Variants in SUSD5 observed in about 807,000 individuals in gnomAD.
SUSD5 encodes the protein sushi domain containing 5.
SUSD5 carries 33 observed loss-of-function variants against 29.5 expected under a neutral mutation model. That is an observed-to-expected ratio of 1.12 (90% CI 0.85 to 1.49). The LOEUF is 1.49. Ranked by LOEUF, SUSD5 falls within the 40% of genes most tolerant of loss-of-function variation. The probability of loss-of-function intolerance (pLI) is 0.00; values close to 1 mark genes in which losing one functional copy is unlikely to be tolerated. For missense variants in SUSD5, 776 were observed against 800.6 expected (o/e 0.97, Z 0.37); for synonymous variants, 308 against 325.3 (o/e 0.95, Z 0.57).
chr3:33,212,800 T>C (rs770359405), intron 2 of SUSD5, among the ~76,000 whole-genome samples: 1 of 152,228 alleles, frequency 6.6e-6, no homozygotes, highest in Non-Finnish European at 1.5e-5. Context: ...AGATGCGGCA[T>C]GGATTTTTCC....
chr3:33,199,233 C>CAT (rs1323941577), intron 3 of SUSD5, among the ~76,000 whole-genome samples: 1 of 151,824 alleles, frequency 6.6e-6, no homozygotes, highest in East Asian at 1.9e-4. Context: ...CACACACACA[C>CAT]ACACACACAC....
At chr3:33,200,557 T>C (rs2125629818) in intron 3 of SUSD5, among the ~76,000 whole-genome samples, 1 of 152,288 alleles carries the variant, frequency 6.6e-6, no homozygotes, top group African/African-American at 2.4e-5. Context: ...TGGGTAGCCA[T>C]GTCAAGCATG....
In SUSD5 at chr3:33,153,729, G is replaced by A; in HGVS notation, c.903C>T (p.Phe301=). The A allele has an allele frequency of 6.2e-7, 1 of 1,614,018 alleles. No individual in the cohort carries two copies. The highest frequency in any genetic ancestry group is 1.1e-5 in the South Asian group (1 of 91,086). Residue 301 remains phenylalanine, a synonymous_variant, in exon 5 of 5, where the codon TTC becomes TTT. Transcript: ENST00000309558. ...CCTCCTTTTCCAACCCAGGCTTGTGGAAAGCCTCAGCAGGAAACCAGAACA... is the reference window on the plus strand; with the variant it reads ...CCTCCTTTTCCAACCCAGGCTTGTGAAAAGCCTCAGCAGGAAACCAGAACA... ...KHLFWFPAEA[F]HKPGLEKEVD... is the part of the protein sequence containing the mutation.
intron 4 of SUSD5, among the ~76,000 whole-genome samples, chr3:33,162,770 C>G (rs1250532029): frequency 2.0e-5 from 3 of 151,932 alleles, no homozygotes; most frequent in Admixed American, 6.6e-5. Flanking sequence ...CTGGCCAACA[C>G]GGTGAAACCC....
chr3:33,165,567 A>C (rs2031285946), intron 4 of SUSD5, among the ~76,000 whole-genome samples: 1 of 152,228 alleles, frequency 6.6e-6, no homozygotes, highest in Non-Finnish European at 1.5e-5. Flanking sequence ...GTACCAGGAA[A>C]AACTGGCACA....
intron 3 of SUSD5, among the ~76,000 whole-genome samples, chr3:33,175,941 T>C (rs56380227): frequency 0.15 from 23,280 of 152,214 alleles, 2,037 homozygotes; most frequent in South Asian, 0.28. Context: ...GACACATATC[T>C]ACCATTATTG....
intron 4 of SUSD5, among the ~76,000 whole-genome samples, chr3:33,164,755 C>T (rs1242055279): frequency 6.6e-6 from 1 of 152,116 alleles, no homozygotes; most frequent in African/African-American, 2.4e-5. Context: ...AGCCAGAAAA[C>T]ATATGAAAAG....
chr3:33,163,756 G>T (rs1334271753), intron 4 of SUSD5, among the ~76,000 whole-genome samples: 1 of 152,104 alleles, frequency 6.6e-6, no homozygotes, highest in African/African-American at 2.4e-5. Flanking sequence ...CCAGCACTTT[G>T]GGAGGCTGAG....
At chr3:33,165,650 G>C (rs2031287340) in intron 4 of SUSD5, among the ~76,000 whole-genome samples, 1 of 152,156 alleles carries the variant, frequency 6.6e-6, no homozygotes, top group Non-Finnish European at 1.5e-5. Flanking sequence ...CAAATCCCAT[G>C]CAAGAACAAA....
chr3:33,200,050 C>A (rs2032086231), intron 3 of SUSD5, among the ~76,000 whole-genome samples: 1 of 152,174 alleles, frequency 6.6e-6, no homozygotes, highest in Non-Finnish European at 1.5e-5. Flanking sequence ...ATCACCTAGT[C>A]TCAGGCATTC....
At chr3:33,166,281 A>C (rs1371044002) in intron 4 of SUSD5, among the ~76,000 whole-genome samples, 1 of 152,248 alleles carries the variant, frequency 6.6e-6, no homozygotes, top group Non-Finnish European at 1.5e-5. Context: ...TTAGTGACCT[A>C]TTAACTACCA....
chr3:33,186,845 C>G (rs2031789017), intron 3 of SUSD5, among the ~76,000 whole-genome samples: 1 of 152,182 alleles, frequency 6.6e-6, no homozygotes, highest in Non-Finnish European at 1.5e-5. Flanking sequence ...TTGACCAAAA[C>G]TACCTTGACT....
At chr3:33,186,731 T>C (rs1182288434) in intron 3 of SUSD5, among the ~76,000 whole-genome samples, 1 of 152,112 alleles carries the variant, frequency 6.6e-6, no homozygotes, top group African/African-American at 2.4e-5. Flanking sequence ...GGTCAGCACT[T>C]TCTTAAAGAC....
chr3:33,176,752 A>C (rs1161267573), intron 3 of SUSD5, among the ~76,000 whole-genome samples: 3 of 152,180 alleles, frequency 2.0e-5, no homozygotes, highest in Non-Finnish European at 4.4e-5. Context: ...TCTATGGTCC[A>C]TCTCGAGTTA....
intron 3 of SUSD5, among the ~76,000 whole-genome samples, chr3:33,176,971 A>G (rs983562961): frequency 6.6e-6 from 1 of 152,194 alleles, no homozygotes; most frequent in Non-Finnish European, 1.5e-5. Context: ...TTTCACCAAT[A>G]TCACACTATC....
chr3:33,169,929 T>C (rs1428128121), intron 4 of SUSD5, among the ~76,000 whole-genome samples: 1 of 151,796 alleles, frequency 6.6e-6, no homozygotes, highest in Non-Finnish European at 1.5e-5. Flanking sequence ...TTCTTTCTTT[T>C]TTTTTTGAGA....
intron 1 of SUSD5, among the ~76,000 whole-genome samples, chr3:33,218,019 A>C (rs183561774): frequency 6.6e-6 from 1 of 152,348 alleles, no homozygotes; most frequent in Non-Finnish European, 1.5e-5. Flanking sequence ...CTGAAAAACC[A>C]AGCAAACGAA....
chr3:33,218,320 CG>C (rs2032461071), intron 1 of SUSD5, among the ~76,000 whole-genome samples: 2 of 152,190 alleles, frequency 1.3e-5, no homozygotes, highest in African/African-American at 4.8e-5. Flanking sequence ...CATTAATAGA[CG>C]TTGAGAAACT....
chr3:33,169,513 G>A (rs2031376644), intron 4 of SUSD5, among the ~76,000 whole-genome samples: 1 of 152,140 alleles, frequency 6.6e-6, no homozygotes, highest in African/African-American at 2.4e-5. Context: ...GAGCCACCAC[G>A]CCTGGCCGAA....
Sources: gnomAD v4.1 joint callset for allele counts (sites outside exome capture counted in the v4.1 genomes callset) on GRCh38, gnomAD v4.1.1 for gene constraint, MANE v1.5 for transcripts, NCBI Gene and HGNC (gene_info 2026-07-23, HGNC 2026-07-21) for gene names.